Variants in PLXNA4 observed in about 807,000 individuals in gnomAD.
PLXNA4 encodes the protein plexin-A4.
PLXNA4 carries 44 observed loss-of-function variants against 191.8 expected under a neutral mutation model. The ratio of observed to expected loss-of-function variants is 0.23; its 90% CI spans 0.18 to 0.29. The LOEUF is 0.29. PLXNA4 is among the 10% of genes least tolerant of loss of function. The pLI, the probability that PLXNA4 is intolerant of heterozygous loss-of-function variation, is 1.00. For synonymous variants in PLXNA4, 1,082 were observed against 1,009.5 expected, an observed-to-expected ratio of 1.07 and a Z score of -1.36; for missense variants, 1,800 against 2,488.8, an observed-to-expected ratio of 0.72 and a Z score of 5.89.
chr7:132,602,721 A>G (rs149909501), intron 2 of PLXNA4, among the ~76,000 whole-genome samples: 1,562 of 152,262 alleles, frequency 0.01, 37 homozygotes, highest in African/African-American at 0.036. Context: ...GAGGGAAGAG[A>G]GTACAAGAGG....
rs1802239179 is a variant in PLXNA4 at position 132,576,402 on chromosome 7, C to G, written c.-87+20G>C. 1.0e-6 allele frequency: 1 copy of G among 985,770 alleles called. No homozygotes were observed. Among genetic ancestry groups the G allele is most frequent in the African/African-American group, 1.7e-5 (1 of 57,216 alleles). The allele number at this position is 985,770 out of a possible 1,614,324, so 61.1% of individuals were successfully genotyped here. On this transcript the variant is annotated intron_variant, in intron 1 of 31. Coordinates refer to ENST00000321063, the MANE Select transcript of PLXNA4 (RefSeq NM_020911.2). This position sits in a 1 kb window ranked among gnomAD's most constrained non-coding sequence, Gnocchi z 5.8. ...CTCGCCGCCCGCCCGGCCCCACTCC[C>G]CGGCGGGCCGGCTCCTTACCTGGAC...
intron 3 of PLXNA4, among the ~76,000 whole-genome samples, chr7:132,458,064 G>A (rs758010871): frequency 1.6e-4 from 24 of 152,230 alleles, no homozygotes; most frequent in Admixed American, 2.6e-4. Context: ...CCAACACATC[G>A]TGTCATTTAG....
intron 4 of PLXNA4, among the ~76,000 whole-genome samples, chr7:132,256,698 G>A (rs1799443895): frequency 6.6e-6 from 1 of 152,186 alleles, no homozygotes; most frequent in Non-Finnish European, 1.5e-5. Flanking sequence ...CAGGAGCTGG[G>A]CATCTGTATT....
At chr7:132,180,072 TGGGAGCG>T in intron 19 of PLXNA4, 151 bp from the exon 20 acceptor site, 1 of 1,372,992 alleles carries the variant, frequency 7.3e-7, no homozygotes, top group Non-Finnish European at 9.6e-7. Flanking sequence ...CATGGGGGGC[TGGGAGCG>T]GGGACAGGCA....
chr7:132,272,159 C>T (rs1800101422), intron 4 of PLXNA4, among the ~76,000 whole-genome samples: 1 of 152,188 alleles, frequency 6.6e-6, no homozygotes, highest in Admixed American at 6.5e-5. Context: ...CTCCAGGAAT[C>T]ATCGCAAACA....
intron 3 of PLXNA4, among the ~76,000 whole-genome samples, chr7:132,460,284 G>A (rs570402660): frequency 7.3e-4 from 111 of 151,962 alleles, no homozygotes; most frequent in Middle Eastern, 3.4e-3. Context: ...CCTTGAGCCC[G>A]GGAAGTCGAG....
At chr7:132,363,510 G>A (rs944095844) in intron 3 of PLXNA4, among the ~76,000 whole-genome samples, 29 of 152,168 alleles carry the variant, frequency 1.9e-4, no homozygotes, top group African/African-American at 6.3e-4. Flanking sequence ...GTTGTAGCAC[G>A]TATCGGCATT....
At chr7:132,592,819 CAAAAAT>C (rs1802625057) in intron 2 of PLXNA4, among the ~76,000 whole-genome samples, 1 of 148,542 alleles carries the variant, frequency 6.7e-6, no homozygotes, top group South Asian at 2.1e-4. Flanking sequence ...GGCAGTTAAT[CAAAAAT>C]AAACCCCTAC....
At chr7:132,390,673 C>T (rs1430208314) in intron 3 of PLXNA4, among the ~76,000 whole-genome samples, 2 of 152,172 alleles carry the variant, frequency 1.3e-5, no homozygotes, top group African/African-American at 2.4e-5. Flanking sequence ...ACATCATGGC[C>T]CCCGCTTCTT....
chr7:132,563,822 TCCTCC>T (rs1801532534), intron 1 of PLXNA4, among the ~76,000 whole-genome samples: 2 of 72,472 alleles, frequency 2.8e-5, no homozygotes, highest in Non-Finnish European at 6.0e-5. Context: ...CTCCTTCTCC[TCCTCC>T]TTCTCCTCCT....
intron 3 of PLXNA4, among the ~76,000 whole-genome samples, chr7:132,360,123 C>T (rs1033438007): frequency 6.6e-6 from 1 of 152,194 alleles, no homozygotes; most frequent in East Asian, 1.9e-4. Context: ...CTTTTCTTAT[C>T]CTACCAGATT....
rs371950321 is a variant in PLXNA4 at position 132,469,209 on chromosome 7, G to A, written c.1371+20083C>T. ...AAAGGGAGCAGTGGCACAATGTCACGATGTAATACAAGGGCATGGGTTTTG... is the reference window on the plus strand; with the variant it reads ...AAAGGGAGCAGTGGCACAATGTCACAATGTAATACAAGGGCATGGGTTTTG... On this transcript the variant is annotated intron_variant, in intron 3 of 31. Transcript: ENST00000321063. Among the ~76,000 whole-genome samples, 22 of 151,802 alleles carry A rather than the reference G, an allele frequency of 1.4e-4. No homozygotes were observed. In the East Asian group the frequency reaches 1.5e-3, roughly 11 times the overall value.
At chr7:132,191,003 C>G (rs909095820) in intron 14 of PLXNA4, among the ~76,000 whole-genome samples, 1 of 152,156 alleles carries the variant, frequency 6.6e-6, no homozygotes, top group Non-Finnish European at 1.5e-5. Flanking sequence ...GTCCCGAGCA[C>G]AACTTTGACG....
At chr7:132,403,589 T>A (rs762563841) in intron 3 of PLXNA4, among the ~76,000 whole-genome samples, 4 of 152,172 alleles carry the variant, frequency 2.6e-5, no homozygotes, top group Non-Finnish European at 4.4e-5. Context: ...ATTCCCAAAT[T>A]GGCCTGGGTT....
At position 132,179,851 on chromosome 7, in the gene PLXNA4, G is replaced by T; in HGVS notation, c.3710C>A (p.Pro1237His). ...AGCCACTGCGATGCTGACGATGGCG[G>T]GCAGGCTGAGCGGGCTGTCCGGGGC... ...YIAPDSPLSL[P>H]AIVSIAVAGG... Residue 1237 changes from proline (P) to histidine (H), a missense_variant, in exon 20 of 32, where the codon CCC becomes CAC. By Grantham distance (77) the Pro-to-His change is moderately conservative. Coordinates refer to ENST00000321063, the MANE Select transcript of PLXNA4 (RefSeq NM_020911.2). The T allele has an allele frequency of 5.0e-6, 8 of 1,613,538 alleles. No homozygotes were observed. The highest frequency in any genetic ancestry group is 6.8e-6 in the Non-Finnish European group (8 of 1,179,968).
At chr7:132,435,154 C>A (rs1243524474) in intron 3 of PLXNA4, among the ~76,000 whole-genome samples, 1 of 152,104 alleles carries the variant, frequency 6.6e-6, no homozygotes, top group Non-Finnish European at 1.5e-5. Flanking sequence ...GCCACACAGA[C>A]CCACGTCCTC....
Position 132,125,803 on chromosome 7 carries a change from G to A in PLXNA4, c.*4676C>T, listed in dbSNP as rs182569203. On this transcript the variant is annotated 3_prime_UTR_variant, in exon 32 of 32. Transcript: ENST00000321063. ...GGGGTAGGTCTTCTCTGGGGGTCAG[G>A]TGAGCTCCTGGAGGTGACTCAGTCA... is the stretch of plus-strand genomic sequence containing the variant. 1 of 152,340 alleles carries A rather than the reference G, an allele frequency of 6.6e-6. No individual in the cohort carries two copies. The highest frequency in any genetic ancestry group is 6.5e-5 in the Admixed American group (1 of 15,292). 9.4% of individuals were successfully genotyped at this position (152,340 alleles called of 1,614,324 possible). A position where few individuals can be genotyped will look rare whatever the true frequency, so the allele number is the denominator to read the frequency against.
chr7:132,533,479 C>A (rs1799706666), intron 1 of PLXNA4, among the ~76,000 whole-genome samples: 1 of 152,184 alleles, frequency 6.6e-6, no homozygotes, highest in Admixed American at 6.5e-5. Context: ...ATTTTCCAAC[C>A]CAAGCACCTT....
At chr7:132,525,497 C>A (rs1178961920) in intron 1 of PLXNA4, among the ~76,000 whole-genome samples, 2 of 152,188 alleles carry the variant, frequency 1.3e-5, no homozygotes, top group Non-Finnish European at 2.9e-5. Context: ...AATCCTCCCA[C>A]CTCAGTCTCA....
Sources: gnomAD v4.1 joint callset for allele counts (sites outside exome capture counted in the v4.1 genomes callset) on GRCh38, gnomAD v4.1.1 for gene constraint, Gnocchi (gnomAD v3.1) non-coding constraint, MANE v1.5 for transcripts, NCBI Gene and HGNC (gene_info 2026-07-23, HGNC 2026-07-21) for gene names.